Variants in SPOUT1 observed in about 807,000 individuals in gnomAD.
SPOUT1 encodes 28S rRNA (uridine-N(3))-methyltransferase.
Under a neutral mutation model 54.8 loss-of-function variants are expected in SPOUT1, and 40 were observed. That is an observed-to-expected ratio of 0.73 (90% CI 0.57 to 0.95). SPOUT1 has a LOEUF of 0.95. Ranked by LOEUF, SPOUT1 falls within the 40% of genes least tolerant of loss-of-function variation. The pLI is 0.00. For missense variants in SPOUT1, 437 were observed against 499.5 expected (o/e 0.87, Z 1.19); for synonymous variants, 193 against 200.3 (o/e 0.96, Z 0.31).
At chr9:128,823,682 C>G (rs1830174212) in intron 11 of SPOUT1, 65 bp downstream of exon 11, 18 of 1,450,248 alleles carry the variant, frequency 1.2e-5, no homozygotes, top group Middle Eastern at 3.6e-4. Context: ...GCAAGAGTAG[C>G]ACCCGCCCCT....
intron 1 of SPOUT1, 99 bp downstream of exon 1, chr9:128,829,646 A>T (rs1830313453): frequency 1.1e-6 from 1 of 909,120 alleles, no homozygotes; most frequent in African/African-American, 1.7e-5. Flanking sequence ...GGAAGCAGGC[A>T]GCAGGAGGCG....
At chr9:128,829,326 C>A (rs974419949) in intron 1 of SPOUT1, among the ~76,000 whole-genome samples, 171 bp from the exon 2 acceptor site, 1 of 152,150 alleles carries the variant, frequency 6.6e-6, no homozygotes, top group Non-Finnish European at 1.5e-5. Context: ...CCCGCTGTAT[C>A]CCCAGCGCCT....
Position 128,821,010 on chromosome 9 carries a change from T to C in SPOUT1, c.*1755A>G. On this transcript the variant is annotated 3_prime_UTR_variant, in exon 12 of 12. Transcript: ENST00000361256. ...GCTTCCCTGCCTCGAGTCCCCTCAT[T>C]CCACCTCCACAGCCAAAGACCTGTC... is the stretch of plus-strand genomic sequence containing the variant. 1.6e-6 allele frequency: 1 copy of C among 641,484 alleles called. No individual in the cohort carries two copies. Among genetic ancestry groups the C allele is most frequent in the Non-Finnish European group, 2.7e-6 (1 of 365,588 alleles). The allele number at this position is 641,484 out of a possible 1,614,324, so 39.7% of individuals were successfully genotyped here. A position where few individuals can be genotyped will look rare whatever the true frequency, so the allele number is the denominator to read the frequency against.
chr9:128,824,703 C>A lies in SPOUT1; in HGVS notation c.811+68G>T. On this transcript the variant is annotated intron_variant, in intron 9 of 11. Coordinates refer to ENST00000361256, the MANE Select transcript of SPOUT1 (RefSeq NM_016390.4). ...AAAAACCCTGGTCTGATATTTGGGT[C>A]AGGCAAGGCTCCCGGCCACCTCCCA... 3 of 1,182,944 alleles carry A rather than the reference C, an allele frequency of 2.5e-6. No homozygotes were observed. In the South Asian group the frequency reaches 3.8e-5, roughly 15 times the overall value. 73.3% of individuals were successfully genotyped at this position (1,182,944 alleles called of 1,614,324 possible).
Position 128,822,573 on chromosome 9 carries a change from C to G in SPOUT1, c.*192G>C. ...TTTGTGCCAAACATCCTGGCGCGGGCAGGCAGCCTCAAGGCCATCACGGCG... is the reference window on the plus strand; with the variant it reads ...TTTGTGCCAAACATCCTGGCGCGGGGAGGCAGCCTCAAGGCCATCACGGCG... On this transcript the variant is annotated 3_prime_UTR_variant, in exon 12 of 12. Coordinates refer to ENST00000361256, the MANE Select transcript of SPOUT1 (RefSeq NM_016390.4). The G allele has an allele frequency of 6.4e-7, 1 of 1,567,574 alleles. No homozygotes were observed. Among genetic ancestry groups the G allele is most frequent in the Non-Finnish European group, 8.7e-7 (1 of 1,156,026 alleles).
At chr9:128,829,322 G>C (rs1010425486) in intron 1 of SPOUT1, among the ~76,000 whole-genome samples, 167 bp from the exon 2 acceptor site, 2 of 152,176 alleles carry the variant, frequency 1.3e-5, no homozygotes, top group Non-Finnish European at 2.9e-5. Flanking sequence ...GGGACCCGCT[G>C]TATCCCCAGC....
At chr9:128,824,941 C>G (rs1177925430) in intron 8 of SPOUT1, 36 bp downstream of exon 8, 3 of 1,599,706 alleles carry the variant, frequency 1.9e-6, no homozygotes, top group Non-Finnish European at 2.6e-6. Context: ...TGGAGCTCAT[C>G]AGGCCAACCC....
At position 128,822,583 on chromosome 9, in the gene SPOUT1, C is replaced by T. The variant is rs1488490143; in HGVS notation, c.*182G>A. 1.9e-6 allele frequency: 3 copies of T among 1,569,528 alleles called. No individual in the cohort carries two copies. In the African/African-American group the frequency reaches 4.0e-5, roughly 21 times the overall value. On this transcript the variant is annotated 3_prime_UTR_variant, in exon 12 of 12. Coordinates refer to ENST00000361256, the MANE Select transcript of SPOUT1 (RefSeq NM_016390.4). ...ACATCCTGGCGCGGGCAGGCAGCCT[C>T]AAGGCCATCACGGCGGGCAGTAAGT... is the stretch of plus-strand genomic sequence containing the variant.
At chr9:128,827,875 C>T (rs780528419) in intron 3 of SPOUT1, among the ~76,000 whole-genome samples, 3 of 152,130 alleles carry the variant, frequency 2.0e-5, no homozygotes, top group East Asian at 3.9e-4. Flanking sequence ...GAGCGGAGAT[C>T]GAGCCACTGC....
chr9:128,824,664 C>T (rs761141333), intron 9 of SPOUT1, 107 bp downstream of exon 9: 13 of 751,148 alleles, frequency 1.7e-5, no homozygotes, highest in South Asian at 3.2e-5. Flanking sequence ...GGACACACAG[C>T]AAGTTGACAG....
intron 7 of SPOUT1, 30 bp downstream of exon 7, chr9:128,825,992 G>C: frequency 6.2e-7 from 1 of 1,613,902 alleles, no homozygotes; most frequent in South Asian, 1.1e-5. Flanking sequence ...TGTCCTGGAG[G>C]TGTGTCCTAG....
rs748004074 is a variant in SPOUT1 at position 128,820,818 on chromosome 9, A to G, written c.*1947T>C. On this transcript the variant is annotated 3_prime_UTR_variant, in exon 12 of 12. Transcript: ENST00000361256. ...TTGACCCGCAGCTACCAAAACGTCT[A>G]TGTCTGCACAGGGCCACTCTTCCTG... The G allele has an allele frequency of 6.8e-6, 11 of 1,611,544 alleles. No homozygotes were observed. The highest frequency in any genetic ancestry group is 6.7e-5 in the East Asian group (3 of 44,870).
intron 11 of SPOUT1, among the ~76,000 whole-genome samples, chr9:128,823,096 C>T (rs994707082): frequency 6.6e-6 from 1 of 152,120 alleles, no homozygotes; most frequent in African/African-American, 2.4e-5. Context: ...CAGGGGAGGG[C>T]AAGAAGAGGG....
In SPOUT1 at chr9:128,822,454, C is replaced by A. The variant is rs1830139629; in HGVS notation, c.*311G>T. 1.3e-6 allele frequency: 2 copies of A among 1,582,434 alleles called. No individual in the cohort carries two copies. The highest frequency in any genetic ancestry group is 2.3e-5 in the South Asian group (2 of 87,114). On this transcript the variant is annotated 3_prime_UTR_variant, in exon 12 of 12. Coordinates refer to ENST00000361256, the MANE Select transcript of SPOUT1 (RefSeq NM_016390.4). Reference sequence around the variant, plus strand: ...CAGGTGGGCAAATTGAGCTCCGCACCTACGTGATGCCCAACGCACCTGTGG... The same window carrying A: ...CAGGTGGGCAAATTGAGCTCCGCACATACGTGATGCCCAACGCACCTGTGG...
chr9:128,828,911 G>A lies in SPOUT1; in HGVS notation c.83-51C>T, dbSNP rs537964194. ...CCAAGGAGACAGTTCCCACTCATTG[G>A]GTCAGCCTGGACTCTGGAGAGCTGC... On this transcript the variant is annotated intron_variant, in intron 2 of 11. Transcript: ENST00000361256. The A allele has an allele frequency of 2.2e-5, 36 of 1,611,896 alleles. No individual in the cohort carries two copies. In the African/African-American group the frequency reaches 3.2e-4, roughly 14 times the overall value.
At position 128,821,068 on chromosome 9, in the gene SPOUT1, G is replaced by A. The variant is rs1477265765; in HGVS notation, c.*1697C>T. 5 of 569,402 alleles carry A rather than the reference G, an allele frequency of 8.8e-6. No individual in the cohort carries two copies. The highest frequency in any genetic ancestry group is 5.6e-5 in the African/African-American group (3 of 53,140). The allele number at this position is 569,402 out of a possible 1,614,324, so 35.3% of individuals were successfully genotyped here. A position where few individuals can be genotyped will look rare whatever the true frequency, so the allele number is the denominator to read the frequency against. On this transcript the variant is annotated 3_prime_UTR_variant, in exon 12 of 12. Coordinates refer to ENST00000361256, the MANE Select transcript of SPOUT1 (RefSeq NM_016390.4). The stretch of plus-strand genomic sequence containing the variant: ...CCTGACCATCTCTCCTCTGCCCATG[G>A]GCAGCAGCAGGCCCTGAATCTGCCC...
In SPOUT1 at chr9:128,821,694, G is replaced by A. The variant is rs1830121817; in HGVS notation, c.*1071C>T. On this transcript the variant is annotated 3_prime_UTR_variant, in exon 12 of 12. Transcript: ENST00000361256. ...CTCACTCTGGAATCCACAGGCTCGG[G>A]ATGGAGTCCAGGCCTCATCACCTAG... 1 of 157,100 alleles carries A rather than the reference G, an allele frequency of 6.4e-6. No individual in the cohort carries two copies. 9.7% of individuals were successfully genotyped at this position (157,100 alleles called of 1,614,324 possible). A position where few individuals can be genotyped will look rare whatever the true frequency, so the allele number is the denominator to read the frequency against.
chr9:128,824,072 C>T lies in SPOUT1; in HGVS notation c.914G>A (p.Arg305Lys), dbSNP rs1830186748. 1.9e-6 allele frequency: 3 copies of T among 1,612,648 alleles called. No individual in the cohort carries two copies. Among genetic ancestry groups the T allele is most frequent in the Non-Finnish European group, 2.5e-6 (3 of 1,179,118 alleles). ...DVASAQLPNF[R>K]HALVVFGGLQ... ...GGCCGCAGCCCCAGGAGGTACACAC[C>T]TGAAGTTGGGAAGCTGGGCAGAGGC... The change falls in exon 10 of 12, where the codon AGG becomes AAG. Residue 305 changes from arginine (R) to lysine (K), a missense_variant and splice_region_variant. Physicochemically the swap from Arg to Lys is conservative, Grantham distance 26. Transcript: ENST00000361256.
rs1830122560 is a variant in SPOUT1 at position 128,821,724 on chromosome 9, T to C, written c.*1041A>G. On this transcript the variant is annotated 3_prime_UTR_variant, in exon 12 of 12. Transcript: ENST00000361256. ...AGTCCAGGCCTCATCACCTAGTTCC[T>C]TGGTGCTGTGGGCAAATGACCTGTG... 6.2e-6 allele frequency: 1 copy of C among 160,590 alleles called. No homozygotes were observed. Among genetic ancestry groups the C allele is most frequent in the Non-Finnish European group, 1.4e-5 (1 of 72,998 alleles). 9.9% of individuals were successfully genotyped at this position (160,590 alleles called of 1,614,324 possible).
Sources: gnomAD v4.1 joint callset for allele counts (sites outside exome capture counted in the v4.1 genomes callset) on GRCh38, gnomAD v4.1.1 for gene constraint, MANE v1.5 for transcripts, NCBI Gene and HGNC (gene_info 2026-07-23, HGNC 2026-07-21) for gene names.